The following PEAK1 variants were observed in gnomAD, a reference collection of about 807,000 sequenced individuals.
The protein encoded by PEAK1 is pseudopodium enriched atypical kinase 1.
Under a neutral mutation model 124.7 loss-of-function variants are expected in PEAK1, and 54 were observed. That is an observed-to-expected ratio of 0.43 (90% confidence interval 0.35 to 0.54). PEAK1 has a LOEUF of 0.54. Among genes scored for constraint, PEAK1 ranks in the 20% least tolerant of loss-of-function variants. PEAK1 has a pLI of 0.01. For synonymous variants in PEAK1, 719 were observed against 760.0 expected (o/e 0.95, Z 0.89); for missense variants, 2,046 against 2,134.5 (o/e 0.96, Z 0.82).
intron 1 of PEAK1, among the ~76,000 whole-genome samples, chr15:77,394,532 A>G (rs968898403): frequency 2.0e-5 from 3 of 152,218 alleles, no homozygotes; most frequent in African/African-American, 7.2e-5. Flanking sequence ...CCACCAAGGC[A>G]GCACCTCTAT....
intron 1 of PEAK1, among the ~76,000 whole-genome samples, chr15:77,400,011 T>C (rs1036431233): frequency 2.0e-5 from 3 of 152,152 alleles, no homozygotes; most frequent in African/African-American, 4.8e-5. Flanking sequence ...AAAAGATCTC[T>C]ATAGATATTT....
intron 2 of PEAK1, among the ~76,000 whole-genome samples, chr15:77,344,923 T>C (rs557930180): frequency 6.6e-6 from 1 of 152,372 alleles, no homozygotes; most frequent in Admixed American, 6.5e-5. Context: ...TGAATTGTTT[T>C]AATTCGAACC....
At chr15:77,101,392 G>A (rs761893329) in exon 7 of PEAK1, 1 of 152,176 alleles carries the variant, frequency 6.6e-6, no homozygotes, top group Non-Finnish European at 1.5e-5. Flanking sequence ...CAGTATCTTT[G>A]TTCAGCAAAA....
chr15:77,263,028 A>G (rs1019128384), intron 5 of PEAK1, among the ~76,000 whole-genome samples: 3 of 152,226 alleles, frequency 2.0e-5, no homozygotes, highest in Non-Finnish European at 2.9e-5. Context: ...AAATGAAGGC[A>G]GAAATAAAGA....
chr15:77,347,682 CA>C, intron 2 of PEAK1: 5 of 973,190 alleles, frequency 5.1e-6, no homozygotes, highest in Non-Finnish European at 6.1e-6. Flanking sequence ...CCTCCTAAAA[CA>C]GAAATTTTTA....
intron 2 of PEAK1, among the ~76,000 whole-genome samples, chr15:77,363,326 T>G (rs1488521130): frequency 6.6e-6 from 1 of 152,210 alleles, no homozygotes; most frequent in Admixed American, 6.5e-5. Context: ...TTACCGTATC[T>G]ACATTAGTAG....
At chr15:77,240,592 T>A (rs1308398328) in intron 6 of PEAK1, among the ~76,000 whole-genome samples, 2 of 150,860 alleles carry the variant, frequency 1.3e-5, no homozygotes, top group African/African-American at 2.4e-5. Context: ...TGAGACCCTG[T>A]CTCAAAAAAA....
chr15:77,389,382 A>G (rs1170202395), intron 1 of PEAK1, among the ~76,000 whole-genome samples: 1 of 152,232 alleles, frequency 6.6e-6, no homozygotes, highest in Non-Finnish European at 1.5e-5. Context: ...GTGTGTCACT[A>G]GACAGGTGTG....
chr15:77,180,937 T>C lies in PEAK1; in HGVS notation c.990A>G (p.Gln330=), dbSNP rs747615167. The C allele has an allele frequency of 6.2e-7, 1 of 1,614,174 alleles. No homozygotes were observed. The highest frequency in any genetic ancestry group is 2.2e-5 in the East Asian group (1 of 44,866). ...ATGACACCATGCTCTGAATGCTTCCTTGTCCATAAGAGACCACAGAATTTT... is the reference window on the plus strand; with the variant it reads ...ATGACACCATGCTCTGAATGCTTCCCTGTCCATAAGAGACCACAGAATTTT... The part of the protein sequence containing the change: ...YEENSVVSYG[Q]GSIQSMVSSD... Residue 330 remains glutamine, a synonymous_variant, in exon 7 of 10, where the codon CAA becomes CAG. Transcript: ENST00000682557.
Position 77,180,204 on chromosome 15 carries a change from C to T in PEAK1, c.1723G>A (p.Ala575Thr), listed in dbSNP as rs1425785764. The change falls in exon 7 of 10, where the codon GCT (alanine) becomes ACT (threonine). Residue 575 changes from alanine (A) to threonine (T), a missense_variant. Transcript: ENST00000682557. ...ATGGTTTTGGAGGAAATGTTTGTAG[C>T]TGTGGGTGATGTAGGTGCTGATTTG... ...CHKSAPTSPT[A>T]TNISSKTIPV... The T allele has an allele frequency of 6.2e-7, 1 of 1,614,120 alleles. No individual in the cohort carries two copies. The highest frequency in any genetic ancestry group is 1.3e-5 in the African/African-American group (1 of 75,036).
At chr15:77,249,858 T>C (rs1015741923) in intron 6 of PEAK1, among the ~76,000 whole-genome samples, 12 of 152,014 alleles carry the variant, frequency 7.9e-5, no homozygotes, top group Non-Finnish European at 1.8e-4. Flanking sequence ...TACACTTAAA[T>C]CAATAACAGA....
At chr15:77,264,438 C>T (rs1043635703) in intron 5 of PEAK1, among the ~76,000 whole-genome samples, 1 of 152,154 alleles carries the variant, frequency 6.6e-6, no homozygotes, top group African/African-American at 2.4e-5. Context: ...TATAAAATCA[C>T]AAGCATTCTT....
rs1040498069 is a variant in PEAK1, at chr15:77,109,777, C to T, written c.*4379G>A. The T allele has an allele frequency of 6.6e-6, 1 of 152,190 alleles. No homozygotes were observed. Among genetic ancestry groups the T allele is most frequent in the Non-Finnish European group, 1.5e-5 (1 of 68,036 alleles). 9.4% of individuals were successfully genotyped at this position (152,190 alleles called of 1,614,324 possible). A position where few individuals can be genotyped will look rare whatever the true frequency, so the allele number is the denominator to read the frequency against. ...CTGGAGCGGAATTTTCAATCCTTGT[C>T]AACTAGTGAGGAGAATGAAAAACAT... is the stretch of plus-strand genomic sequence containing the variant. On this transcript the variant is annotated 3_prime_UTR_variant, in exon 10 of 10. Coordinates refer to ENST00000682557, the MANE Select transcript of PEAK1 (RefSeq NM_001385026.1).
chr15:77,252,619 A>T, intron 5 of PEAK1, 93 bp from the exon 6 acceptor site: 1 of 687,170 alleles, frequency 1.5e-6, no homozygotes, highest in Non-Finnish European at 1.8e-6. Context: ...TATCACCCTC[A>T]CTCAACAGTT....
intron 2 of PEAK1, among the ~76,000 whole-genome samples, chr15:77,313,652 A>ATGTATGTATGTGTGTGTGTGTGTGTG (rs1469429790): frequency 1.1e-5 from 1 of 90,602 alleles, no homozygotes; most frequent in Admixed American, 1.3e-4. Context: ...GTATGTATGT[A>ATGTATGTATGTGTGTGTGTGTGTGTG]TGTGTGTGTG....
rs1471309563 is a variant in PEAK1, at chr15:77,296,715, G to A, written c.-602-10211C>T. On this transcript the variant is annotated intron_variant, in intron 2 of 9. Transcript: ENST00000682557. ...TGAAATAAAATAAAATAAAATGGTA[G>A]AGGACGAGTTTATCCTAGGGCAGAT... is the stretch of plus-strand genomic sequence containing the variant. Among the ~76,000 whole-genome samples the A allele has an allele frequency of 3.3e-5, 5 of 151,760 alleles. 1 individual carries two copies. Among genetic ancestry groups the A allele is most frequent in the African/African-American group, 7.3e-5 (3 of 41,088 alleles).
intron 6 of PEAK1, among the ~76,000 whole-genome samples, chr15:77,223,763 C>T (rs2059498550): frequency 6.6e-6 from 1 of 151,934 alleles, no homozygotes; most frequent in Non-Finnish European, 1.5e-5. Context: ...AACATCAAAT[C>T]ACTGTTGGAT....
chr15:77,221,565 T>C (rs2059391604), intron 6 of PEAK1, among the ~76,000 whole-genome samples: 2 of 151,932 alleles, frequency 1.3e-5, no homozygotes, highest in Non-Finnish European at 2.9e-5. Context: ...TCAACTAGAG[T>C]TCCCATTTAT....
At chr15:77,107,664 T>C (rs1480596531), downstream of PEAK1, 1 of 152,284 alleles carries the variant, frequency 6.6e-6, no homozygotes, top group Non-Finnish European at 1.5e-5. Flanking sequence ...CATTAGCTTG[T>C]CTGCCTTTGT....
Sources: gnomAD v4.1 joint callset for allele counts (sites outside exome capture counted in the v4.1 genomes callset) on GRCh38, gnomAD v4.1.1 for gene constraint, MANE v1.5 for transcripts, NCBI Gene and HGNC (gene_info 2026-07-23, HGNC 2026-07-21) for gene names.